The following PTPRJ variants were observed in gnomAD, a reference collection of about 807,000 sequenced individuals.
The protein encoded by PTPRJ is receptor-type tyrosine-protein phosphatase eta.
PTPRJ carries 129 observed loss-of-function variants against 141.3 expected under a neutral mutation model. That is an observed-to-expected ratio of 0.91 (90% CI 0.79 to 1.06). The LOEUF is 1.06. PTPRJ is among the 50% of genes least tolerant of loss of function. The pLI, the probability that PTPRJ is intolerant of heterozygous loss-of-function variation, is 0.00. For synonymous variants in PTPRJ, 610 were observed against 640.5 expected, an observed-to-expected ratio of 0.95 and a Z score of 0.72; for missense variants, 1,601 against 1,679.7, an observed-to-expected ratio of 0.95 and a Z score of 0.82.
intron 1 of PTPRJ, among the ~76,000 whole-genome samples, chr11:48,020,817 C>T (rs561569310): frequency 4.3e-4 from 65 of 152,126 alleles, no homozygotes; most frequent in Admixed American, 1.2e-3. Flanking sequence ...AAGAACAGCC[C>T]GTGGGCAAGT....
At chr11:48,085,979 A>G (rs1242376820) in intron 1 of PTPRJ, among the ~76,000 whole-genome samples, 1 of 152,082 alleles carries the variant, frequency 6.6e-6, no homozygotes, top group East Asian at 1.9e-4. Context: ...GTGGGGTGGT[A>G]AGAAAATGGG....
intron 18 of PTPRJ, among the ~76,000 whole-genome samples, chr11:48,151,455 A>G (rs1857479710): frequency 6.6e-6 from 1 of 150,892 alleles, no homozygotes; most frequent in African/African-American, 2.4e-5. Flanking sequence ...ACATTTGTAA[A>G]GAGCCTTTTT....
At chr11:48,083,286 G>A (rs111923614) in intron 1 of PTPRJ, among the ~76,000 whole-genome samples, 2 of 152,286 alleles carry the variant, frequency 1.3e-5, no homozygotes, top group East Asian at 1.9e-4. Flanking sequence ...TTAGCTGAGC[G>A]TGGTGGTGTG....
intron 1 of PTPRJ, among the ~76,000 whole-genome samples, chr11:48,101,353 G>A (rs950692424): frequency 2.6e-5 from 4 of 152,092 alleles, no homozygotes; most frequent in Non-Finnish European, 5.9e-5. Flanking sequence ...GGTGGGACTC[G>A]GTGGGGTGGT....
chr11:48,163,598 G>C lies in PTPRJ; in HGVS notation c.3699G>C (p.Ser1233=). 6.2e-7 allele frequency: 1 copy of C among 1,613,740 alleles called. No homozygotes were observed. Among genetic ancestry groups the C allele is most frequent in the East Asian group, 2.2e-5 (1 of 44,876 alleles). Residue 1233 remains serine, a synonymous_variant, in exon 23 of 25, where the codon TCG becomes TCC. Transcript: ENST00000418331. ...ACATGAAGCAGAGTCCTCCCGAATCGCCGATTCTGGTGCATTGCAGGTACG... is the reference window on the plus strand; with the variant it reads ...ACATGAAGCAGAGTCCTCCCGAATCCCCGATTCTGGTGCATTGCAGGTACG... ...RDYMKQSPPE[S]PILVHCSAGV...
rs966316592 is a variant in PTPRJ, at chr11:48,158,718, C to T, written c.3439-1212C>T. ...CATGTAATCTCAGCACTTTGGGAGGCCAAGGTGAGAGGATCACTTGAGGCC... is the reference window on the plus strand; with the variant it reads ...CATGTAATCTCAGCACTTTGGGAGGTCAAGGTGAGAGGATCACTTGAGGCC... On this transcript the variant is annotated intron_variant, in intron 21 of 24. Coordinates refer to ENST00000418331, the MANE Select transcript of PTPRJ (RefSeq NM_002843.4). The surrounding 1 kb of genome is among the most constrained non-coding windows in gnomAD (Gnocchi z 4.4). Among the ~76,000 whole-genome samples, 1 of 152,126 alleles carries T rather than the reference C, an allele frequency of 6.6e-6. No individual in the cohort carries two copies. The highest frequency in any genetic ancestry group is 6.5e-5 in the Admixed American group (1 of 15,276).
intron 7 of PTPRJ, 133 bp from the exon 8 acceptor site, chr11:48,130,326 A>G (rs1036600634): frequency 2.0e-5 from 18 of 898,962 alleles, no homozygotes; most frequent in Non-Finnish European, 2.8e-5. Context: ...GTTGTAGGTG[A>G]TGATACAAAG....
At chr11:48,017,753 C>T (rs1429136574) in intron 1 of PTPRJ, among the ~76,000 whole-genome samples, 5 of 152,162 alleles carry the variant, frequency 3.3e-5, no homozygotes, top group Non-Finnish European at 7.4e-5. Context: ...GAGCAAGGGC[C>T]CACTGGCTGC....
At chr11:48,136,322 A>C in intron 9 of PTPRJ, 26 bp downstream of exon 9, 1 of 1,606,132 alleles carries the variant, frequency 6.2e-7, no homozygotes, top group Non-Finnish European at 8.5e-7. Flanking sequence ...TGCCCTTCTA[A>C]GGAACAGCCT....
chr11:48,014,992 C>A (rs1007766438), intron 1 of PTPRJ, among the ~76,000 whole-genome samples: 1 of 152,210 alleles, frequency 6.6e-6, no homozygotes, highest in Non-Finnish European at 1.5e-5. Context: ...AGGTGTGAGC[C>A]ACTGTCCCAG....
intron 1 of PTPRJ, among the ~76,000 whole-genome samples, chr11:48,053,160 T>TATATATATAAAAATATATAA (rs1454782582): frequency 1.8e-5 from 2 of 110,530 alleles, no homozygotes; most frequent in Non-Finnish European, 3.4e-5. Flanking sequence ...AAATATATAT[T>TATATATATAAAAATATATAA]ATATATATAA....
Position 48,034,684 on chromosome 11 carries a change from C to T in PTPRJ, c.96+53676C>T, listed in dbSNP as rs149558033. On this transcript the variant is annotated intron_variant, in intron 1 of 24. Coordinates refer to ENST00000418331, the MANE Select transcript of PTPRJ (RefSeq NM_002843.4). Reference sequence around the variant, plus strand: ...CTCATTTTGCAGGCAAGAAAACAGGCACAGACAGTTAAATAAGGTCACCCA... The same window carrying T: ...CTCATTTTGCAGGCAAGAAAACAGGTACAGACAGTTAAATAAGGTCACCCA... 1.1e-3 allele frequency among the ~76,000 whole-genome samples: 169 copies of T among 152,264 alleles called. 1 individual carries two copies. Among genetic ancestry groups the T allele is most frequent in the South Asian group, 2.3e-3 (11 of 4,828 alleles).
intron 1 of PTPRJ, among the ~76,000 whole-genome samples, chr11:48,073,574 A>G (rs943254801): frequency 1.3e-5 from 2 of 152,152 alleles, no homozygotes; most frequent in African/African-American, 4.8e-5. Context: ...CTTCTTCAGT[A>G]TGAACTGATC....
chr11:48,075,744 C>A (rs1855381978), intron 1 of PTPRJ, among the ~76,000 whole-genome samples: 2 of 152,218 alleles, frequency 1.3e-5, no homozygotes, highest in South Asian at 4.1e-4. Flanking sequence ...GTGCTAGGCT[C>A]TTAACGTCCT....
intron 1 of PTPRJ, among the ~76,000 whole-genome samples, chr11:47,994,500 A>G (rs896561744): frequency 4.0e-5 from 6 of 151,840 alleles, no homozygotes; most frequent in African/African-American, 1.5e-4. Flanking sequence ...ACTAAAATAC[A>G]AAAAATTAGT....
chr11:48,039,469 GTGT>G (rs1854219193), intron 1 of PTPRJ, among the ~76,000 whole-genome samples: 1 of 114,498 alleles, frequency 8.7e-6, no homozygotes, highest in African/African-American at 4.8e-5. Flanking sequence ...ACTATGGTGT[GTGT>G]GTGTGTGTGT....
intron 14 of PTPRJ, among the ~76,000 whole-genome samples, chr11:48,146,233 T>C (rs1440209432): frequency 6.6e-6 from 1 of 152,208 alleles, no homozygotes; most frequent in East Asian, 1.9e-4. Flanking sequence ...ATTCTGGTCT[T>C]GGACCCTTGT....
At chr11:48,019,968 A>G (rs2134210823) in intron 1 of PTPRJ, among the ~76,000 whole-genome samples, 1 of 152,350 alleles carries the variant, frequency 6.6e-6, no homozygotes, top group Admixed American at 6.5e-5. Flanking sequence ...TGAGATAAGA[A>G]GTAGAATAAA....
At position 48,053,523 on chromosome 11, in the gene PTPRJ, G is replaced by A. The variant is rs1248804036; in HGVS notation, c.97-56535G>A. Among the ~76,000 whole-genome samples the A allele has an allele frequency of 1.1e-4, 13 of 122,662 alleles. No homozygotes were observed. In the Admixed American group the frequency reaches 1.1e-3, roughly 10 times the overall value. 80.5% of individuals were successfully genotyped at this position (122,662 alleles called of 152,430 possible). ...ATAACTTCACGGAAACTCTGAAGGA[G>A]AGGTCAAATATAATATTATATATTT... On this transcript the variant is annotated intron_variant, in intron 1 of 24. Transcript: ENST00000418331.
Sources: gnomAD v4.1 joint callset for allele counts (sites outside exome capture counted in the v4.1 genomes callset) on GRCh38, gnomAD v4.1.1 for gene constraint, Gnocchi (gnomAD v3.1) non-coding constraint, MANE v1.5 for transcripts, NCBI Gene and HGNC (gene_info 2026-07-23, HGNC 2026-07-21) for gene names.